Variants in DEF8 observed in about 807,000 individuals in gnomAD.
The protein encoded by DEF8 is DEF-8.
Under a neutral mutation model 59.1 loss-of-function variants are expected in DEF8, and 38 were observed. The ratio of observed to expected loss-of-function variants is 0.64; its 90% confidence interval spans 0.50 to 0.84. DEF8 has a LOEUF of 0.84. DEF8 is among the 40% of genes least tolerant of loss of function. The probability of loss-of-function intolerance (pLI) is 0.00; values close to 1 mark genes in which losing one functional copy is unlikely to be tolerated. For missense variants in DEF8, 557 were observed against 615.2 expected, an observed-to-expected ratio of 0.91 and a Z score of 1.00; for synonymous variants, 265 against 250.1, an observed-to-expected ratio of 1.06 and a Z score of -0.56.
At chr16:89,964,714 T>C (rs2034458189) in intron 12 of DEF8, 139 bp downstream of exon 12, 1 of 644,754 alleles carries the variant, frequency 1.6e-6, no homozygotes. Context: ...AAAGACTCTT[T>C]GGGTCTTTGC....
At chr16:89,955,959 G>A (rs1190798468) in intron 4 of DEF8, among the ~76,000 whole-genome samples, 3 of 152,024 alleles carry the variant, frequency 2.0e-5, no homozygotes. Context: ...TGTAGTCCCA[G>A]CTACTCGGGA....
chr16:89,955,322 G>A, intron 4 of DEF8, 56 bp downstream of exon 4: 1 of 1,478,106 alleles, frequency 6.8e-7, no homozygotes, highest in Non-Finnish European at 9.5e-7. Flanking sequence ...AAGGCAGGAA[G>A]GGCCAGGGTT....
At chr16:89,949,190 C>G (rs1452788051) in intron 1 of DEF8, among the ~76,000 whole-genome samples, 2 of 151,496 alleles carry the variant, frequency 1.3e-5, no homozygotes, top group Non-Finnish European at 2.9e-5. Context: ...ACCCCGGGGA[C>G]GCCGCCGCTG....
At position 89,962,039 on chromosome 16, in the gene DEF8, G is replaced by A; in HGVS notation, c.835G>A (p.Ala279Thr). The change falls in exon 9 of 13, where the codon GCG becomes ACG. Residue 279 changes from alanine (A) to threonine (T), a missense_variant. Coordinates refer to ENST00000563594, the MANE Select transcript of DEF8 (RefSeq NM_001242818.2). ...KVSRCSMRYL[A>T]LMVSRPVLRL... ...TTCTCGCTGCAGCATGCGCTACCTG[G>A]CGCTGATGGTGTCTCGGCCCGTACT... 3.1e-6 allele frequency: 5 copies of A among 1,614,106 alleles called. No individual in the cohort carries two copies. The highest frequency in any genetic ancestry group is 4.2e-6 in the Non-Finnish European group (5 of 1,179,998).
chr16:89,956,457 A>G (rs1161809143), intron 4 of DEF8: 1 of 149,080 alleles, frequency 6.7e-6, no homozygotes, highest in Non-Finnish European at 1.5e-5. Flanking sequence ...CTCCGTCTGA[A>G]AAAAAAAAAA....
chr16:89,963,658 A>C (rs2034316626), intron 10 of DEF8: 2 of 565,618 alleles, frequency 3.5e-6, no homozygotes, highest in South Asian at 2.1e-5. Flanking sequence ...CCTTATGTGA[A>C]TCTCCATGGG....
intron 4 of DEF8, 141 bp downstream of exon 4, chr16:89,955,407 C>G: frequency 1.5e-6 from 1 of 677,082 alleles, no homozygotes; most frequent in Non-Finnish European, 2.5e-6. Flanking sequence ...TTGTCAGGCT[C>G]AGCAGCCCCC....
intron 6 of DEF8, chr16:89,959,473 GTTTTTTGTTT>G (rs1238549423): frequency 5.7e-6 from 4 of 696,620 alleles, no homozygotes; most frequent in Non-Finnish European, 8.3e-6. Context: ...ACGTGACTTT[GTTTTTTGTTT>G]TTGTTTGTTT....
In DEF8 at chr16:89,961,793, C is replaced by T. The variant is rs2034060473; in HGVS notation, c.736C>T (p.His246Tyr). ...CDYTGQYYCS[H>Y]CHWNDLAVIP... ...CTACACCGGCCAGTACTACTGCAGC[C>T]ACTGCCACTGGAACGACCTGGCTGT... Residue 246 changes from histidine (H) to tyrosine (Y), a missense_variant, in exon 8 of 13, where the codon CAC becomes TAC. By Grantham distance (83) the His-to-Tyr change is moderately conservative. Transcript: ENST00000563594. The T allele has an allele frequency of 6.2e-7, 1 of 1,613,550 alleles. No homozygotes were observed. The highest frequency in any genetic ancestry group is 8.5e-7 in the Non-Finnish European group (1 of 1,179,868).
At position 89,949,474 on chromosome 16, in the gene DEF8, C is replaced by T; in HGVS notation, c.-50C>T. ...CCAGCAGCCCTAGAGGAATGGCCAT[C>T]CTGTCCCTGCGAGCCCCTGGGCCCT... On this transcript the variant is annotated 5_prime_UTR_variant, in exon 2 of 13. Transcript: ENST00000563594. 6.2e-7 allele frequency: 1 copy of T among 1,612,418 alleles called. No homozygotes were observed. The highest frequency in any genetic ancestry group is 8.5e-7 in the Non-Finnish European group (1 of 1,179,856).
At chr16:89,960,601 G>A (rs192240780) in intron 6 of DEF8, among the ~76,000 whole-genome samples, 53 of 150,426 alleles carry the variant, frequency 3.5e-4, no homozygotes, top group South Asian at 1.9e-3. Flanking sequence ...TGCTGAAACC[G>A]AGATGGGGAA....
intron 9 of DEF8, among the ~76,000 whole-genome samples, chr16:89,962,819 C>G (rs760843311): frequency 6.6e-6 from 1 of 152,266 alleles, no homozygotes; most frequent in South Asian, 2.1e-4. Context: ...CATGTAGCCT[C>G]TGCTAAGTCT....
At chr16:89,960,126 C>T (rs879393814) in intron 6 of DEF8, among the ~76,000 whole-genome samples, 2 of 152,066 alleles carry the variant, frequency 1.3e-5, no homozygotes, top group African/African-American at 2.4e-5. Context: ...GGGAGGTGGG[C>T]TCAGAGGTGG....
intron 9 of DEF8, among the ~76,000 whole-genome samples, chr16:89,963,076 G>A (rs1351478882): frequency 2.6e-5 from 4 of 152,246 alleles, no homozygotes; most frequent in Non-Finnish European, 5.9e-5. Flanking sequence ...GGATTTCTCC[G>A]GAAGTTTGGC....
rs1313289953 is a variant in DEF8 at position 89,954,914 on chromosome 16, G to T, written c.125-255G>T. On this transcript the variant is annotated intron_variant, in intron 3 of 12. Coordinates refer to ENST00000563594, the MANE Select transcript of DEF8 (RefSeq NM_001242818.2). The surrounding 1 kb of genome is among the most constrained non-coding windows in gnomAD (Gnocchi z 4.3). The stretch of plus-strand genomic sequence containing the variant: ...GGATGTCTCTATAATGCTGTCTTGA[G>T]GACTTTTGGCACCGAGTGTCATTCC... Among the ~76,000 whole-genome samples, 1 of 152,136 alleles carries T rather than the reference G, an allele frequency of 6.6e-6. No homozygotes were observed. Among genetic ancestry groups the T allele is most frequent in the Non-Finnish European group, 1.5e-5 (1 of 68,016 alleles).
At chr16:89,949,681 T>G in intron 2 of DEF8, 168 bp downstream of exon 2, 1 of 1,555,136 alleles carries the variant, frequency 6.4e-7, no homozygotes, top group Non-Finnish European at 8.7e-7. Flanking sequence ...CCAGGGTCCC[T>G]CCGTGCCCCG....
rs201770677 is a variant in DEF8, at chr16:89,961,070, C to A, written c.654C>A (p.Ala218=). ...TGGACAGCCAGGATTACCGCTGTGC[C>A]GAGTGCCGGGCGCCCATCTCTCTGC... ...TGLDSQDYRC[A]ECRAPISLRG... The change falls in exon 7 of 13, where the codon GCC becomes GCA. Residue 218 remains alanine (A), a synonymous_variant. Transcript: ENST00000563594. 1.2e-6 allele frequency: 2 copies of A among 1,612,988 alleles called. No homozygotes were observed. The highest frequency in any genetic ancestry group is 1.7e-5 in the Admixed American group (1 of 59,980).
chr16:89,965,348 C>G (rs1463197672), intron 12 of DEF8, among the ~76,000 whole-genome samples: 1 of 152,158 alleles, frequency 6.6e-6, no homozygotes, highest in African/African-American at 2.4e-5. Context: ...CTGCTGAAAT[C>G]CCAGCTCTAC....
Position 89,954,435 on chromosome 16 carries a change from C to T in DEF8, c.124+59C>T. The T allele has an allele frequency of 1.3e-6, 2 of 1,567,700 alleles. No individual in the cohort carries two copies. Among genetic ancestry groups the T allele is most frequent in the Non-Finnish European group, 1.7e-6 (2 of 1,153,502 alleles). On this transcript the variant is annotated intron_variant, in intron 3 of 12. Transcript: ENST00000563594. The surrounding 1 kb of genome is among the most constrained non-coding windows in gnomAD (Gnocchi z 4.3). ...GCAGGTCTCTGACTGCTTACGTGGA[C>T]CCCTCCTTTCTTCCTGCCGCGTCCT...
Sources: allele counts gnomAD v4.1 joint callset (sites outside exome capture counted in the v4.1 genomes callset), GRCh38; gene constraint gnomAD v4.1.1; non-coding constraint Gnocchi (gnomAD v3.1); transcripts MANE v1.5; gene names NCBI Gene and HGNC (gene_info 2026-07-23, HGNC 2026-07-21).